ITSN2: variants seen among roughly 807,000 people sequenced by gnomAD.
The protein encoded by ITSN2 is intersectin-2.
In ITSN2, 156 loss-of-function variants were observed where a neutral mutation model predicts 243.7. The observed-to-expected ratio is 0.64, with a 90% CI of 0.56 to 0.73. The LOEUF (loss-of-function observed/expected upper bound fraction) is 0.73, where lower values mean the gene tolerates loss of function less well. Among genes scored for constraint, ITSN2 ranks in the 30% least tolerant of loss-of-function variants. The pLI, the probability that ITSN2 is intolerant of heterozygous loss-of-function variation, is 0.00. For missense variants in ITSN2, 1,801 were observed against 1,996.1 expected (o/e 0.90, Z 1.86); for synonymous variants, 703 against 699.9 (o/e 1.00, Z -0.07).
intron 1 of ITSN2, among the ~76,000 whole-genome samples, chr2:24,346,067 GT>G (rs1243791579): frequency 6.6e-6 from 1 of 152,166 alleles, no homozygotes; most frequent in Non-Finnish European, 1.5e-5. Flanking sequence ...ATGTCTAGCA[GT>G]GTCTACCCTT....
At position 24,209,711 on chromosome 2, in the gene ITSN2, G is replaced by C. The variant is rs1669279798; in HGVS notation, c.4473+107C>G. 5.9e-6 allele frequency: 5 copies of C among 843,932 alleles called. No homozygotes were observed. The Admixed American group carries it at 1.0e-4, about 17-fold the overall frequency. The allele number at this position is 843,932 out of a possible 1,614,324, so 52.3% of individuals were successfully genotyped here. A position where few individuals can be genotyped will look rare whatever the true frequency, so the allele number is the denominator to read the frequency against. Reference sequence around the variant, plus strand: ...GGAAGCACGAGCGATCTGGAACCAGGTGAGGAGGGTCCCGTAAGGCCAGCT... The same window carrying C: ...GGAAGCACGAGCGATCTGGAACCAGCTGAGGAGGGTCCCGTAAGGCCAGCT... On this transcript the variant is annotated intron_variant, in intron 35 of 39. Coordinates refer to ENST00000355123, the MANE Select transcript of ITSN2 (RefSeq NM_006277.3).
intron 11 of ITSN2, among the ~76,000 whole-genome samples, chr2:24,300,854 A>C (rs1031554478): frequency 3.9e-5 from 6 of 152,242 alleles, no homozygotes; most frequent in Admixed American, 1.3e-4. Context: ...ATGTTTTTAA[A>C]GGTAAAGATT....
At position 24,204,611 on chromosome 2, in the gene ITSN2, C is replaced by G; in HGVS notation, c.4763-193G>C. On this transcript the variant is annotated intron_variant, in intron 38 of 39. Transcript: ENST00000355123. The surrounding 1 kb of genome is among the most constrained non-coding windows in gnomAD (Gnocchi z 5.1). ...TCCAAGTTCCCAGTGCTGACAGCAG[C>G]ATTAACTGGGGAGTGGCCGAGAGCT... is the stretch of plus-strand genomic sequence containing the variant. 1 of 671,912 alleles carries G rather than the reference C, an allele frequency of 1.5e-6. No homozygotes were observed. Among genetic ancestry groups the G allele is most frequent in the Non-Finnish European group, 2.7e-6 (1 of 366,110 alleles). The allele number at this position is 671,912 out of a possible 1,614,324, so 41.6% of individuals were successfully genotyped here.
intron 22 of ITSN2, among the ~76,000 whole-genome samples, chr2:24,258,984 T>C (rs1675432341): frequency 6.6e-6 from 1 of 152,174 alleles, no homozygotes. Context: ...CCCTAAATAC[T>C]CTTAATTATG....
At chr2:24,206,957 A>G (rs1035079301) in intron 37 of ITSN2, among the ~76,000 whole-genome samples, 1 of 151,696 alleles carries the variant, frequency 6.6e-6, no homozygotes, top group Non-Finnish European at 1.5e-5. Flanking sequence ...CTGGAGGGGG[A>G]GCTCACATGG....
At chr2:24,252,755 AT>A (rs1362375989) in intron 24 of ITSN2, among the ~76,000 whole-genome samples, 1 of 152,110 alleles carries the variant, frequency 6.6e-6, no homozygotes, top group Non-Finnish European at 1.5e-5. Context: ...CCAATTGTTT[AT>A]TTTTTTATCA....
At chr2:24,256,199 G>C (rs563558080) in intron 23 of ITSN2, among the ~76,000 whole-genome samples, 1 of 152,208 alleles carries the variant, frequency 6.6e-6, no homozygotes, top group African/African-American at 2.4e-5. Flanking sequence ...GCTCCAGCCT[G>C]GCCGAAAGAG....
Position 24,300,181 on chromosome 2 carries a change from G to A in ITSN2, c.1082-10C>T. On this transcript the variant is annotated splice_polypyrimidine_tract_variant and intron_variant, in intron 11 of 39. Transcript: ENST00000355123. Reference sequence around the variant, plus strand: ...TTGTCCTCAAAAGTAACTGAACAAGGTATGCCTATCAGCATCCACACACAT... The same window carrying A: ...TTGTCCTCAAAAGTAACTGAACAAGATATGCCTATCAGCATCCACACACAT... The A allele has an allele frequency of 6.2e-7, 1 of 1,613,752 alleles. No homozygotes were observed. The highest frequency in any genetic ancestry group is 8.5e-7 in the Non-Finnish European group (1 of 1,179,846).
At chr2:24,309,679 C>A (rs1394587677) in intron 7 of ITSN2, among the ~76,000 whole-genome samples, 3 of 152,076 alleles carry the variant, frequency 2.0e-5, no homozygotes, top group Non-Finnish European at 4.4e-5. Context: ...ATCCTCCCAA[C>A]AAACTTAAAA....
chr2:24,204,630 G>C lies in ITSN2; in HGVS notation c.4763-212C>G, dbSNP rs776945768. The C allele has an allele frequency of 4.6e-6, 3 of 653,156 alleles. No individual in the cohort carries two copies. The highest frequency in any genetic ancestry group is 1.8e-5 in the African/African-American group (1 of 56,228). The allele number at this position is 653,156 out of a possible 1,614,324, so 40.5% of individuals were successfully genotyped here. A position where few individuals can be genotyped will look rare whatever the true frequency, so the allele number is the denominator to read the frequency against. On this transcript the variant is annotated intron_variant, in intron 38 of 39. Transcript: ENST00000355123. This position sits in a 1 kb window ranked among gnomAD's most constrained non-coding sequence, Gnocchi z 5.1. The stretch of plus-strand genomic sequence containing the variant: ...CAGCAGCATTAACTGGGGAGTGGCC[G>C]AGAGCTCCACCGCCAGGACCACTCC...
chr2:24,300,877 T>G (rs958317831), intron 11 of ITSN2, among the ~76,000 whole-genome samples: 2 of 152,168 alleles, frequency 1.3e-5, no homozygotes, highest in African/African-American at 4.8e-5. Context: ...ATTACAAAGT[T>G]TCCTCTAATA....
At chr2:24,339,926 T>C (rs542664724) in intron 1 of ITSN2, among the ~76,000 whole-genome samples, 1 of 151,794 alleles carries the variant, frequency 6.6e-6, no homozygotes, top group South Asian at 2.1e-4. Flanking sequence ...ACTCAGGAAG[T>C]AGCTACTCAG....
intron 20 of ITSN2, among the ~76,000 whole-genome samples, chr2:24,267,888 C>G (rs1023243816): frequency 6.6e-6 from 1 of 152,206 alleles, no homozygotes; most frequent in African/African-American, 2.4e-5. Flanking sequence ...TCTAGATACA[C>G]TTTTTCCTAG....
chr2:24,357,910 CTTTT>C (rs60517474), intron 1 of ITSN2, among the ~76,000 whole-genome samples: 2 of 151,808 alleles, frequency 1.3e-5, no homozygotes, highest in Non-Finnish European at 2.9e-5. Flanking sequence ...GCCCATATAA[CTTTT>C]TTTTTCTTTT....
intron 1 of ITSN2, chr2:24,330,771 C>CTTT (rs903037107): frequency 1.5e-5 from 6 of 395,168 alleles, no homozygotes; most frequent in African/African-American, 2.2e-5. Flanking sequence ...TTTCATTTTA[C>CTTT]TTTTTTTTTT....
chr2:24,260,671 G>A (rs1038798002), intron 22 of ITSN2, among the ~76,000 whole-genome samples: 5 of 152,064 alleles, frequency 3.3e-5, no homozygotes, highest in Admixed American at 1.3e-4. Flanking sequence ...ATTTTGGGAC[G>A]CCAAGGCAGG....
chr2:24,348,096 A>C (rs1368157270), intron 1 of ITSN2, among the ~76,000 whole-genome samples: 1 of 152,142 alleles, frequency 6.6e-6, no homozygotes, highest in African/African-American at 2.4e-5. Context: ...AAAAATTAAA[A>C]GTGAAAAACA....
rs748932440 is a variant in ITSN2 at position 24,295,787 on chromosome 2, C to A, written c.1512G>T (p.Gln504His). The A allele has an allele frequency of 3.2e-6, 5 of 1,546,422 alleles. No homozygotes were observed. The East Asian group carries it at 7.7e-5, about 24-fold the overall frequency. The change falls in exon 14 of 40, where the codon CAG becomes CAT. Residue 504 changes from glutamine to histidine, a missense_variant. Coordinates refer to ENST00000355123, the MANE Select transcript of ITSN2 (RefSeq NM_006277.3). ...GGACATCCTGAAGTCTGCCTGAGATCTGCTGATGTTTGCCATTCTATAGGA... is the reference window on the plus strand; with the variant it reads ...GGACATCCTGAAGTCTGCCTGAGATATGCTGATGTTTGCCATTCTATAGGA... Reference protein sequence around the residue: ...ELEALNGKHQQISGRLQDVRL... With the variant: ...ELEALNGKHQHISGRLQDVRL...
At position 24,208,225 on chromosome 2, in the gene ITSN2, G is replaced by A. The variant is rs750677540; in HGVS notation, c.4678+12C>T. On this transcript the variant is annotated intron_variant, in intron 37 of 39. Coordinates refer to ENST00000355123, the MANE Select transcript of ITSN2 (RefSeq NM_006277.3). ...CTGGGGGCTGCGTCCCACCCTCCGG[G>A]CACCCTGATACCTTGGTAAGCTTTC... is the stretch of plus-strand genomic sequence containing the variant. 5 of 1,609,978 alleles carry A rather than the reference G, an allele frequency of 3.1e-6. No individual in the cohort carries two copies. In the South Asian group the frequency reaches 3.3e-5, roughly 11 times the overall value.
Sources: allele counts gnomAD v4.1 joint callset (sites outside exome capture counted in the v4.1 genomes callset), GRCh38; gene constraint gnomAD v4.1.1; non-coding constraint Gnocchi (gnomAD v3.1); transcripts MANE v1.5; gene names NCBI Gene and HGNC (gene_info 2026-07-23, HGNC 2026-07-21).